UTP18: variants seen among roughly 807,000 people sequenced by gnomAD.
UTP18 encodes U3 small nucleolar RNA-associated protein 18 homolog.
A neutral mutation model predicts 61.1 loss-of-function variants in UTP18; 36 were observed. The observed-to-expected ratio is 0.59, with a 90% confidence interval of 0.45 to 0.78. UTP18 has a LOEUF of 0.78. Ranked by LOEUF, UTP18 falls within the 30% of genes least tolerant of loss-of-function variation. The pLI, the probability that UTP18 is intolerant of heterozygous loss-of-function variation, is 0.00. For missense variants in UTP18, 753 were observed against 693.9 expected, an observed-to-expected ratio of 1.09 and a Z score of -0.96; for synonymous variants, 282 against 251.1, an observed-to-expected ratio of 1.12 and a Z score of -1.16.
chr17:51,277,038 T>A, intron 6 of UTP18, 92 bp from the exon 7 acceptor site: 1 of 1,372,058 alleles, frequency 7.3e-7, no homozygotes, highest in Non-Finnish European at 1.0e-6. Context: ...GGATATGTAT[T>A]TTTAAATGAA....
intron 7 of UTP18, among the ~76,000 whole-genome samples, chr17:51,279,513 T>G (rs1055666618): frequency 9.3e-5 from 14 of 150,918 alleles, no homozygotes; most frequent in South Asian, 4.2e-4. Context: ...TTTGTTTTTG[T>G]TTTTGACTCA....
At chr17:51,288,696 C>T (rs1455071380) in intron 11 of UTP18, 2 of 442,830 alleles carry the variant, frequency 4.5e-6, no homozygotes, top group South Asian at 3.2e-5. Flanking sequence ...AGGACCACCT[C>T]CAGGTTTGGT....
rs758058530 is a variant in UTP18, at chr17:51,288,223, T to G, written c.1503+20T>G. 1.9e-6 allele frequency: 3 copies of G among 1,542,766 alleles called. No individual in the cohort carries two copies. The South Asian group carries it at 3.8e-5, about 19-fold the overall frequency. On this transcript the variant is annotated intron_variant, in intron 11 of 13. Coordinates refer to ENST00000225298, the MANE Select transcript of UTP18 (RefSeq NM_016001.3). ...AGATTGGTAAATATTTCATTACCCCTTTATTATTGTTATTTTTTAAATTTA... is the reference window on the plus strand; with the variant it reads ...AGATTGGTAAATATTTCATTACCCCGTTATTATTGTTATTTTTTAAATTTA...
chr17:51,279,287 T>G (rs1306762435), intron 7 of UTP18, among the ~76,000 whole-genome samples: 1 of 152,216 alleles, frequency 6.6e-6, no homozygotes, highest in Non-Finnish European at 1.5e-5. Flanking sequence ...AATGAGTAAC[T>G]TGGCTCTCTA....
intron 3 of UTP18, 142 bp downstream of exon 3, chr17:51,266,422 T>A (rs1396933799): frequency 2.0e-6 from 1 of 509,510 alleles, no homozygotes; most frequent in African/African-American, 2.0e-5. Flanking sequence ...ATTTCTGTAG[T>A]TTTTTTTAGG....
chr17:51,263,468 C>G, intron 2 of UTP18, 82 bp downstream of exon 2: 1 of 1,055,830 alleles, frequency 9.5e-7, no homozygotes, highest in South Asian at 1.5e-5. Context: ...TTCTTTTTAC[C>G]AATTTGTGAT....
At chr17:51,260,995 G>C (rs374336052) in intron 1 of UTP18, 69 bp downstream of exon 1, 3 of 1,331,622 alleles carry the variant, frequency 2.3e-6, no homozygotes, top group African/African-American at 1.6e-5. Flanking sequence ...TGAAGCTCCG[G>C]GGGGCGGAGC....
intron 9 of UTP18, among the ~76,000 whole-genome samples, chr17:51,282,383 G>A (rs919982748): frequency 6.6e-6 from 1 of 151,860 alleles, no homozygotes; most frequent in Non-Finnish European, 1.5e-5. Flanking sequence ...ACATTGGTAT[G>A]TTTTTAATCA....
intron 5 of UTP18, among the ~76,000 whole-genome samples, chr17:51,275,311 AAACAAAATAAAT>A (rs1274227799): frequency 5.3e-5 from 8 of 152,226 alleles, no homozygotes; most frequent in Admixed American, 1.3e-4. Flanking sequence ...AAACCTGTAA[AAACAAAATAAAT>A]AACAAAATAG....
chr17:51,263,639 G>T (rs936307873), intron 2 of UTP18, among the ~76,000 whole-genome samples: 1 of 152,162 alleles, frequency 6.6e-6, no homozygotes, highest in Admixed American at 6.5e-5. Context: ...TTTGAAGTCA[G>T]ATCTCGATTT....
chr17:51,264,690 C>CTTTTTTTTTT (rs1227700509), intron 2 of UTP18, among the ~76,000 whole-genome samples: 1 of 141,646 alleles, frequency 7.1e-6, no homozygotes, highest in African/African-American at 2.6e-5. Context: ...TCATTGTCTT[C>CTTTTTTTTTT]TTTTTTTTTT....
chr17:51,284,401 T>C (rs765231500), intron 9 of UTP18, among the ~76,000 whole-genome samples: 1 of 152,192 alleles, frequency 6.6e-6, no homozygotes, highest in Non-Finnish European at 1.5e-5. Flanking sequence ...TTTTAATCAT[T>C]TAAATAACTT....
intron 9 of UTP18, among the ~76,000 whole-genome samples, chr17:51,281,526 G>A (rs1262356372): frequency 1.3e-5 from 2 of 152,068 alleles, no homozygotes; most frequent in African/African-American, 4.8e-5. Context: ...TTGAAATGAT[G>A]AAATCGTAGA....
intron 4 of UTP18, among the ~76,000 whole-genome samples, chr17:51,270,736 T>A (rs1907747201): frequency 6.6e-6 from 1 of 152,184 alleles, no homozygotes; most frequent in Non-Finnish European, 1.5e-5. Flanking sequence ...TACTTTTGCC[T>A]ACATTTTGTT....
intron 11 of UTP18, 107 bp from the exon 12 acceptor site, chr17:51,293,796 A>G (rs1415546427): frequency 4.9e-6 from 5 of 1,020,696 alleles, no homozygotes; most frequent in African/African-American, 3.3e-5. Flanking sequence ...GTGTGCTACA[A>G]TCAAAATGAG....
chr17:51,288,234 TA>T, intron 11 of UTP18, 31 bp downstream of exon 11: 1 of 1,531,804 alleles, frequency 6.5e-7, no homozygotes, highest in Non-Finnish European at 8.7e-7. Flanking sequence ...TTATTATTGT[TA>T]TTTTTTAAAT....
chr17:51,277,110 C>T lies in UTP18; in HGVS notation c.838-20C>T. On this transcript the variant is annotated intron_variant, in intron 6 of 13. Transcript: ENST00000225298. ...GGTCTGTGGAAATAATCAAAAGAAC[C>T]ATTTTGTACTTCTTTATAGGTTGAT... 5 of 1,607,044 alleles carry T rather than the reference C, an allele frequency of 3.1e-6. No individual in the cohort carries two copies. Among genetic ancestry groups the T allele is most frequent in the Non-Finnish European group, 4.3e-6 (5 of 1,175,604 alleles).
Position 51,285,369 on chromosome 17 carries a change from G to T in UTP18, c.1328+1G>T. On this transcript the variant is annotated splice_donor_variant, in intron 10 of 13. Transcript: ENST00000225298. LOFTEE classifies it high-confidence loss of function. ...GGAATGGACAGTATGTTGCTTGTGG[G>T]TAAGTAAAGAGAGGTTCTTGTAACC... 1 of 1,612,638 alleles carries T rather than the reference G, an allele frequency of 6.2e-7. No individual in the cohort carries two copies. Among genetic ancestry groups the T allele is most frequent in the Non-Finnish European group, 8.5e-7 (1 of 1,178,926 alleles).
intron 1 of UTP18, among the ~76,000 whole-genome samples, chr17:51,261,426 C>T (rs546186591): frequency 1.3e-5 from 2 of 152,144 alleles, no homozygotes; most frequent in East Asian, 1.9e-4. Flanking sequence ...ATTGGTGAAC[C>T]TGTTAGTTGC....
Sources: allele counts gnomAD v4.1 joint callset (sites outside exome capture counted in the v4.1 genomes callset), GRCh38; gene constraint gnomAD v4.1.1; transcripts MANE v1.5; gene names NCBI Gene and HGNC (gene_info 2026-07-23, HGNC 2026-07-21).